NUP133: variants seen among roughly 807,000 people sequenced by gnomAD.
NUP133 encodes the protein nucleoporin 133, also known as nuclear pore complex protein Nup133.
Under a neutral mutation model 146.2 loss-of-function variants are expected in NUP133, and 66 were observed. That is an observed-to-expected ratio of 0.45 (90% CI 0.37 to 0.55). The LOEUF (loss-of-function observed/expected upper bound fraction) is 0.55. Ranked by LOEUF, NUP133 falls within the 20% of genes least tolerant of loss-of-function variation. The pLI, the probability that NUP133 is intolerant of heterozygous loss-of-function variation, is 0.00. For missense variants in NUP133, 1,277 were observed against 1,374.8 expected (o/e 0.93, Z 1.12); for synonymous variants, 521 against 498.8 (o/e 1.04, Z -0.59).
In NUP133 at chr1:229,502,718, T is replaced by C. The variant is rs1356935411; in HGVS notation, c.302-616A>G. Among the ~76,000 whole-genome samples the C allele has an allele frequency of 8.6e-5, 13 of 151,096 alleles. No individual in the cohort carries two copies. The Admixed American group carries it at 8.6e-4, about 10-fold the overall frequency. On this transcript the variant is annotated intron_variant, in intron 2 of 25. Coordinates refer to ENST00000261396, the MANE Select transcript of NUP133 (RefSeq NM_018230.3). Reference sequence around the variant, plus strand: ...GGCCAGGCACAGTGGCTCATGCTTATAAATCCCAATATTTTGGGAGGCCAC... The same window carrying C: ...GGCCAGGCACAGTGGCTCATGCTTACAAATCCCAATATTTTGGGAGGCCAC...
intron 23 of NUP133, 60 bp from the exon 24 acceptor site, chr1:229,449,250 T>A: frequency 9.6e-7 from 1 of 1,044,674 alleles, no homozygotes; most frequent in Non-Finnish European, 1.4e-6. Flanking sequence ...AATACATGCC[T>A]AAATTTTCAT....
At chr1:229,470,930 C>T (rs1398975139) in intron 14 of NUP133, 126 bp from the exon 15 acceptor site, 1 of 719,152 alleles carries the variant, frequency 1.4e-6, no homozygotes, top group Non-Finnish European at 2.3e-6. Flanking sequence ...GCAAGTCCCT[C>T]CAGCTGTCTC....
Position 229,502,040 on chromosome 1 carries a change from T to A in NUP133, c.364A>T (p.Lys122Ter). The A allele has an allele frequency of 6.2e-7, 1 of 1,614,018 alleles. No homozygotes were observed. ...AGAGCAATCTTCCAAATAATGAGCTTCTCTTTGCACACCAGACAAGCCCAT... is the reference window on the plus strand; with the variant it reads ...AGAGCAATCTTCCAAATAATGAGCTACTCTTTGCACACCAGACAAGCCCAT... ...GGWACLVCKE[K>*]LIIWKIALSP... Residue 122 changes from lysine (K) to a stop codon, truncating the protein, a stop_gained, in exon 3 of 26, where the codon AAG becomes TAG. Coordinates refer to ENST00000261396, the MANE Select transcript of NUP133 (RefSeq NM_018230.3). LOFTEE classifies it high-confidence loss of function.
At chr1:229,473,628 G>C (rs893932935) in intron 14 of NUP133, among the ~76,000 whole-genome samples, 2 of 152,072 alleles carry the variant, frequency 1.3e-5, no homozygotes, top group Non-Finnish European at 2.9e-5. Flanking sequence ...TCTTCCCATC[G>C]AGAGGTACAA....
At chr1:229,490,174 T>C (rs966113644) in intron 8 of NUP133, 72 bp from the exon 9 acceptor site, 2 of 1,293,974 alleles carry the variant, frequency 1.5e-6, no homozygotes, top group Non-Finnish European at 2.0e-6. Flanking sequence ...AAATTAAACA[T>C]ATGCTTCCAT....
In NUP133 at chr1:229,454,695, A is replaced by G. The variant is rs1558090473; in HGVS notation, c.2981-2052T>C. On this transcript the variant is annotated intron_variant, in intron 21 of 25. Transcript: ENST00000261396. The stretch of plus-strand genomic sequence containing the variant: ...GAAATAAAAGCTAAGAAGTGATCAA[A>G]TGCAAAGCAGGGAGAAAGAAGAAAC... 2.6e-5 allele frequency among the ~76,000 whole-genome samples: 4 copies of G among 152,236 alleles called. No individual in the cohort carries two copies. The South Asian group carries it at 8.3e-4, about 32-fold the overall frequency.
chr1:229,449,008 G>A (rs1660379884), intron 24 of NUP133, 118 bp downstream of exon 24: 1 of 762,632 alleles, frequency 1.3e-6, no homozygotes, highest in Non-Finnish European at 2.3e-6. Flanking sequence ...CAGTGTAGGA[G>A]GTGGGAAATC....
intron 4 of NUP133, among the ~76,000 whole-genome samples, chr1:229,500,036 A>C (rs1330299230): frequency 6.6e-6 from 1 of 152,156 alleles, no homozygotes; most frequent in African/African-American, 2.4e-5. Flanking sequence ...ATCCTCACTA[A>C]GTGTCTGTTC....
At chr1:229,469,477 G>A (rs115372255) in intron 15 of NUP133, among the ~76,000 whole-genome samples, 133 of 152,304 alleles carry the variant, frequency 8.7e-4, no homozygotes, top group African/African-American at 3.0e-3. Context: ...GGAGGTAGCT[G>A]AGGAGTTCAG....
chr1:229,506,284 T>C (rs1661934263), intron 1 of NUP133, 126 bp from the exon 2 acceptor site: 2 of 501,556 alleles, frequency 4.0e-6, no homozygotes, highest in African/African-American at 1.9e-5. Flanking sequence ...ATATTTACCA[T>C]GTAATTAAAT....
intron 15 of NUP133, among the ~76,000 whole-genome samples, chr1:229,469,748 T>C (rs1660911989): frequency 6.6e-6 from 1 of 152,220 alleles, no homozygotes; most frequent in Non-Finnish European, 1.5e-5. Flanking sequence ...GGCCTCACAT[T>C]CATCTGACCT....
rs1192685196 is a variant in NUP133 at position 229,505,580 on chromosome 1, A to AC, written c.301+459_301+460insG. On this transcript the variant is annotated intron_variant, in intron 2 of 25. Coordinates refer to ENST00000261396, the MANE Select transcript of NUP133 (RefSeq NM_018230.3). ...AATTACAGTTAAAAAAAAAAAAAAA[A>AC]AAAAAAAAAAAAACTAAGACAGGTG... Among the ~76,000 whole-genome samples the AC allele has an allele frequency of 1.3e-3, 195 of 148,196 alleles. 1 individual carries two copies. The highest frequency in any genetic ancestry group is 4.7e-3 in the African/African-American group (186 of 39,918).
At chr1:229,492,923 A>T (rs10916491) in intron 8 of NUP133, among the ~76,000 whole-genome samples, 27,822 of 150,750 alleles carry the variant, frequency 0.18, 2,730 homozygotes, top group Middle Eastern at 0.23. Context: ...ATAAAAATTT[A>T]AAAAAAAAAT....
At chr1:229,454,662 C>A (rs943359218) in intron 21 of NUP133, among the ~76,000 whole-genome samples, 1 of 152,124 alleles carries the variant, frequency 6.6e-6, no homozygotes, top group Admixed American at 6.5e-5. Flanking sequence ...ATGTTCCCAT[C>A]GCGTTAAGAA....
At chr1:229,456,427 A>AT (rs1558091080) in intron 21 of NUP133, among the ~76,000 whole-genome samples, 1 of 152,102 alleles carries the variant, frequency 6.6e-6, no homozygotes. Flanking sequence ...AGACTCATGA[A>AT]TTTTTTTGTC....
In NUP133 at chr1:229,508,144, C is replaced by G; in HGVS notation, c.106G>C (p.Gly36Arg). 1.3e-6 allele frequency: 2 copies of G among 1,596,962 alleles called. No individual in the cohort carries two copies. The highest frequency in any genetic ancestry group is 1.7e-6 in the Non-Finnish European group (2 of 1,173,266). Residue 36 changes from glycine to arginine, a missense_variant, in exon 1 of 26, where the codon GGT becomes CGT. Gly to Arg is a moderately radical substitution (Grantham distance 125). This residue lies in a region of NUP133 where 319 missense variants were observed against 306.9 expected (regional missense o/e 1.04). Transcript: ENST00000261396. ...CTGACTGCAGACCCCAGGGGCAGAC[C>G]CTTCCTGCTAGCCGTCCGGGGCGTG... is the stretch of plus-strand genomic sequence containing the variant. Reference protein sequence around the residue: ...GSTPRTASRKGLPLGSAVSSP... With the variant: ...GSTPRTASRKRLPLGSAVSSP...
At chr1:229,507,832 A>T (rs952386336) in intron 1 of NUP133, 4 of 789,896 alleles carry the variant, frequency 5.1e-6, no homozygotes, top group Non-Finnish European at 6.1e-6. Flanking sequence ...TCCAGTTTGT[A>T]CTTCACTTCT....
chr1:229,449,166 G>T lies in NUP133; in HGVS notation c.3205C>A (p.Leu1069Ile). Residue 1069 changes from leucine (L) to isoleucine (I), a missense_variant, in exon 24 of 26, where the codon CTA becomes ATA. Physicochemically the swap from Leu to Ile is conservative, Grantham distance 5. This residue lies in a region of NUP133 where 952 missense variants were observed against 1,047.0 expected (regional missense o/e 0.91). Coordinates refer to ENST00000261396, the MANE Select transcript of NUP133 (RefSeq NM_018230.3). ...GCTTTGCAAAGGATTTCCAGTTTTAGATCATTTATATTTATATCTTCTTCC... is the reference window on the plus strand; with the variant it reads ...GCTTTGCAAAGGATTTCCAGTTTTATATCATTTATATTTATATCTTCTTCC... Reference protein sequence around the residue: ...DEEEDININDLKLEILCKALQ... With the variant: ...DEEEDININDIKLEILCKALQ... 1.2e-6 allele frequency: 2 copies of T among 1,610,724 alleles called. No individual in the cohort carries two copies. Among genetic ancestry groups the T allele is most frequent in the Non-Finnish European group, 1.7e-6 (2 of 1,177,780 alleles).
At position 229,464,627 on chromosome 1, in the gene NUP133, G is replaced by C; in HGVS notation, c.2548C>G (p.Leu850Val). Residue 850 changes from leucine to valine, a missense_variant, in exon 18 of 26, where the codon CTT (leucine) becomes GTT (valine). By Grantham distance (32) the Leu-to-Val change is conservative (BLOSUM62 1). Coordinates refer to ENST00000261396, the MANE Select transcript of NUP133 (RefSeq NM_018230.3). ...TTGCCAAGTATCATGAACTTACGAA[G>C]AGGAGATAAGAGATCTGATCTTTTC... Reference protein sequence around the residue: ...LQKRSDLLSPLLSLGQYLWAA... With the variant: ...LQKRSDLLSPVLSLGQYLWAA... 3 of 1,613,612 alleles carry C rather than the reference G, an allele frequency of 1.9e-6. 1 individual carries two copies. In the South Asian group the frequency reaches 3.3e-5, roughly 18 times the overall value.
Sources: gnomAD v4.1 joint callset for allele counts (sites outside exome capture counted in the v4.1 genomes callset) on GRCh38, gnomAD v4.1.1 for gene constraint, gnomAD v4.1.1 regional missense constraint, MANE v1.5 for transcripts, NCBI Gene and HGNC (gene_info 2026-07-23, HGNC 2026-07-21) for gene names.